RNF130: variants seen among roughly 807,000 people sequenced by gnomAD.
RNF130 encodes ring finger protein 130.
A neutral mutation model predicts 44.6 loss-of-function variants in RNF130; 21 were observed. That is an observed-to-expected ratio of 0.47 (90% confidence interval 0.33 to 0.68). RNF130 has a LOEUF of 0.68. Among genes scored for constraint, RNF130 ranks in the 30% least tolerant of loss-of-function variants. The probability of loss-of-function intolerance (pLI) is 0.02; values close to 1 mark genes in which losing one functional copy is unlikely to be tolerated. For missense variants in RNF130, 479 were observed against 560.6 expected (o/e 0.85, Z 1.47); for synonymous variants, 214 against 210.4 (o/e 1.02, Z -0.15).
intron 7 of RNF130, among the ~76,000 whole-genome samples, chr5:179,938,534 C>T (rs188080813): frequency 8.2e-4 from 125 of 152,184 alleles, no homozygotes; most frequent in African/African-American, 2.9e-3. Flanking sequence ...CTAAATTGTT[C>T]ACTTACTTAT....
intron 7 of RNF130, 77 bp downstream of exon 7, chr5:179,966,729 C>A (rs548297953): frequency 6.6e-5 from 87 of 1,310,732 alleles, no homozygotes; most frequent in Non-Finnish European, 8.5e-5. Context: ...GAGGCGAGTG[C>A]CTTGACTCTC....
exon 8 of RNF130, chr5:179,913,802 T>C (rs1365366066): frequency 6.6e-6 from 1 of 152,310 alleles, no homozygotes; most frequent in Non-Finnish European, 1.5e-5. Context: ...AGGAGGCTAG[T>C]GTGACCTCAA....
rs760687964 is a variant in RNF130, at chr5:179,971,519, G to A, written c.849-1013C>T. On this transcript the variant is annotated intron_variant, in intron 5 of 8. Coordinates refer to ENST00000521389, the MANE Select transcript of RNF130 (RefSeq NM_018434.6). ...CAAGCAGCTGGGACTACAGCAGCCC[G>A]CCACCACGCCCAGCCAATTTTTTGT... Among the ~76,000 whole-genome samples the A allele has an allele frequency of 4.6e-5, 7 of 152,112 alleles. No individual in the cohort carries two copies. In the East Asian group the frequency reaches 9.6e-4, roughly 21 times the overall value.
In RNF130 at chr5:180,040,843, C is replaced by T. The variant is rs1031392222; in HGVS notation, c.248-196G>A. ...CTATAGGGAGAGATGCTCCATGGGA[C>T]GGTTACCTATAATGCAAATTAAAAC... On this transcript the variant is annotated intron_variant, in intron 1 of 8. Transcript: ENST00000521389. Among the ~76,000 whole-genome samples, 4 of 152,096 alleles carry T rather than the reference C, an allele frequency of 2.6e-5. No homozygotes were observed. The South Asian group carries it at 8.3e-4, about 32-fold the overall frequency.
At chr5:180,061,641 C>T (rs969914334) in intron 1 of RNF130, among the ~76,000 whole-genome samples, 1 of 152,138 alleles carries the variant, frequency 6.6e-6, no homozygotes, top group Admixed American at 6.5e-5. Flanking sequence ...TTCCTATGGC[C>T]GCCTTCTCTG....
At chr5:179,938,816 T>C (rs770229319) in intron 7 of RNF130, among the ~76,000 whole-genome samples, 1 of 152,128 alleles carries the variant, frequency 6.6e-6, no homozygotes, top group Non-Finnish European at 1.5e-5. Context: ...ACCCTGGCAA[T>C]GTTAACTTCA....
intron 3 of RNF130, among the ~76,000 whole-genome samples, chr5:179,993,112 T>C (rs1446045658): frequency 2.0e-5 from 3 of 152,246 alleles, no homozygotes; most frequent in African/African-American, 7.2e-5. Flanking sequence ...ATTTTCTTAA[T>C]CCAGTCTATC....
intron 8 of RNF130, among the ~76,000 whole-genome samples, chr5:179,959,783 C>G (rs1454601271): frequency 6.6e-6 from 1 of 152,206 alleles, no homozygotes; most frequent in Non-Finnish European, 1.5e-5. Flanking sequence ...GGTGGACCTG[C>G]TACAAGAAGC....
chr5:179,981,897 G>T (rs1762849224), intron 3 of RNF130, among the ~76,000 whole-genome samples: 1 of 151,324 alleles, frequency 6.6e-6, no homozygotes, highest in Non-Finnish European at 1.5e-5. Context: ...ACTTAAAATA[G>T]ACTGCATATA....
intron 2 of RNF130, among the ~76,000 whole-genome samples, chr5:180,037,973 C>T (rs1764287085): frequency 6.6e-6 from 1 of 152,162 alleles, no homozygotes; most frequent in Non-Finnish European, 1.5e-5. Flanking sequence ...GTTATACACT[C>T]ATCTGTGATA....
rs1205914690 is a variant in RNF130 at position 180,055,248 on chromosome 5, CAAAAA to C, written c.248-14606_248-14602del. Among the ~76,000 whole-genome samples the C allele has an allele frequency of 5.7e-4, 12 of 20,988 alleles. 2 individuals are homozygous for C. Among genetic ancestry groups the C allele is most frequent in the Non-Finnish European group, 8.0e-4 (11 of 13,694 alleles). The allele number at this position is 20,988 out of a possible 152,430, so 13.8% of individuals were successfully genotyped here. A position where few individuals can be genotyped will look rare whatever the true frequency, so the allele number is the denominator to read the frequency against. On this transcript the variant is annotated intron_variant, in intron 1 of 8. Transcript: ENST00000521389. ...TGGGCAACAGAGTGAGGTTCTGTCT[CAAAAA>C]AAAAAAAAAAAAAAAAAAAAAAAAA...
rs188438080 is a variant in RNF130, at chr5:179,922,762, C to A, written c.1151-2336G>T. On this transcript the variant is annotated intron_variant, in intron 7 of 7. Transcript: ENST00000522208. The stretch of plus-strand genomic sequence containing the variant: ...TAGCCTAGGCAACATGGTGAAACCC[C>A]ATCTCTACTAAAAATACAAAAAGTA... 1.7e-3 allele frequency among the ~76,000 whole-genome samples: 262 copies of A among 151,830 alleles called. 2 individuals are homozygous for A. Among genetic ancestry groups the A allele is most frequent in the Middle Eastern group, 0.01 (3 of 294 alleles).
At chr5:179,949,199 A>G (rs1762088838) in intron 7 of RNF130, among the ~76,000 whole-genome samples, 1 of 151,914 alleles carries the variant, frequency 6.6e-6, no homozygotes, top group African/African-American at 2.4e-5. Context: ...TCCTGACCTC[A>G]GGTGATCTGC....
At chr5:179,981,816 C>T (rs1485542574) in intron 3 of RNF130, among the ~76,000 whole-genome samples, 1 of 152,188 alleles carries the variant, frequency 6.6e-6, no homozygotes, top group African/African-American at 2.4e-5. Context: ...GTGGCTGCTC[C>T]GTCTTTGAAG....
chr5:179,969,340 C>T (rs77255015), intron 6 of RNF130, among the ~76,000 whole-genome samples: 2,236 of 151,798 alleles, frequency 0.015, 75 homozygotes, highest in African/African-American at 0.052. Flanking sequence ...CAGTCACTGC[C>T]TGCCTTCTCT....
exon 8 of RNF130, chr5:179,913,451 A>T (rs1015390441): frequency 1.3e-5 from 2 of 152,108 alleles, no homozygotes; most frequent in African/African-American, 4.8e-5. Context: ...AGGGTGGAAA[A>T]GGAAGGAAAA....
exon 8 of RNF130, chr5:179,915,485 C>T (rs1255568851): frequency 6.6e-6 from 1 of 152,472 alleles, no homozygotes; most frequent in African/African-American, 2.4e-5. Context: ...CAGCCCAGAC[C>T]CAAAGTATCC....
chr5:179,969,636 G>A lies in RNF130; in HGVS notation c.945+774C>T, dbSNP rs189054717. 3.1e-4 allele frequency among the ~76,000 whole-genome samples: 47 copies of A among 152,142 alleles called. 1 individual carries two copies. The East Asian group carries it at 9.1e-3, about 30-fold the overall frequency. The stretch of plus-strand genomic sequence containing the variant: ...TAATCCCAGCACTTTGGGAGGCTGA[G>A]GCAGGAGGATCACTTGAGGCCAGGA... On this transcript the variant is annotated intron_variant, in intron 6 of 8. Coordinates refer to ENST00000521389, the MANE Select transcript of RNF130 (RefSeq NM_018434.6).
At chr5:180,060,786 A>T (rs925911917) in intron 1 of RNF130, among the ~76,000 whole-genome samples, 3 of 152,206 alleles carry the variant, frequency 2.0e-5, no homozygotes, top group African/African-American at 7.2e-5. Flanking sequence ...ATGAAGATAC[A>T]GAAAGCTATG....
Sources: allele counts gnomAD v4.1 joint callset (sites outside exome capture counted in the v4.1 genomes callset), GRCh38; gene constraint gnomAD v4.1.1; transcripts MANE v1.5; gene names NCBI Gene and HGNC (gene_info 2026-07-23, HGNC 2026-07-21).